CELF2: variants seen among roughly 807,000 people sequenced by gnomAD.
CELF2 encodes the protein CUGBP Elav-like family member 2.
CELF2 carries 8 observed loss-of-function variants against 62.6 expected under a neutral mutation model. The observed-to-expected ratio is 0.13, with a 90% CI of 0.07 to 0.23. CELF2 has a LOEUF of 0.23. CELF2 is among the 10% of genes least tolerant of loss of function. The pLI, the probability that CELF2 is intolerant of heterozygous loss-of-function variation, is 1.00. For synonymous variants in CELF2, 258 were observed against 250.0 expected, an observed-to-expected ratio of 1.03 and a Z score of -0.30; for missense variants, 333 against 671.0, an observed-to-expected ratio of 0.50 and a Z score of 5.56.
At chr10:11,174,246 C>T (rs1028640950) in intron 2 of CELF2, among the ~76,000 whole-genome samples, 1 of 152,078 alleles carries the variant, frequency 6.6e-6, no homozygotes, top group Non-Finnish European at 1.5e-5. Flanking sequence ...AAGCCTGAAT[C>T]ACATAGACAA....
At chr10:10,584,560 A>G in the CELF2 span, among the ~76,000 whole-genome samples, 1 of 152,216 alleles carries the variant, frequency 6.6e-6, no homozygotes, top group African/African-American at 2.4e-5. Context: ...ACTCAAATAT[A>G]GAAGTACCGA....
chr10:11,101,050 G>C (rs961311186), intron 1 of CELF2, among the ~76,000 whole-genome samples: 10 of 152,296 alleles, frequency 6.6e-5, no homozygotes, highest in African/African-American at 2.2e-4. Flanking sequence ...TCTTTTATGG[G>C]TGTTTGAGAG....
At chr10:10,479,858 C>T in the CELF2 span, among the ~76,000 whole-genome samples, 11 of 152,312 alleles carry the variant, frequency 7.2e-5, no homozygotes, top group East Asian at 9.6e-4. Flanking sequence ...ATTACTATTA[C>T]GATTAGTCAC....
At chr10:11,293,643 C>A (rs2092802630) in intron 9 of CELF2, among the ~76,000 whole-genome samples, 1 of 152,232 alleles carries the variant, frequency 6.6e-6, no homozygotes, top group South Asian at 2.1e-4. Context: ...CTAACACTGA[C>A]CCTGTTGTCT....
At chr10:10,562,396 A>T in the CELF2 span, among the ~76,000 whole-genome samples, 1 of 152,210 alleles carries the variant, frequency 6.6e-6, no homozygotes, top group Non-Finnish European at 1.5e-5. Context: ...ATTTACTATG[A>T]TGTCTAAGAA....
At chr10:11,068,943 G>A (rs1316927634) in intron 1 of CELF2, among the ~76,000 whole-genome samples, 1 of 152,132 alleles carries the variant, frequency 6.6e-6, no homozygotes, top group Non-Finnish European at 1.5e-5. Flanking sequence ...GTACACCTAA[G>A]ACACGTTGTG....
At chr10:11,284,128 T>G (rs868402869) in intron 8 of CELF2, among the ~76,000 whole-genome samples, 14 of 75,392 alleles carry the variant, frequency 1.9e-4, no homozygotes, top group South Asian at 4.7e-4. Context: ...AGGTGGATGA[T>G]GGATGAGTGT....
At chr10:10,930,200 T>C (rs765583605) in intron 2 of CELF2, among the ~76,000 whole-genome samples, 1 of 152,224 alleles carries the variant, frequency 6.6e-6, no homozygotes, top group Non-Finnish European at 1.5e-5. Flanking sequence ...GTGTGACCTA[T>C]TTAGACTTCT....
intron 1 of CELF2, among the ~76,000 whole-genome samples, chr10:10,853,044 T>G (rs2059483606): frequency 6.6e-6 from 1 of 152,218 alleles, no homozygotes; most frequent in East Asian, 1.9e-4. Flanking sequence ...AGTGGTGCAG[T>G]CTTGGCTCAC....
At chr10:11,298,135 G>A (rs11812406) in intron 9 of CELF2, among the ~76,000 whole-genome samples, 13 of 152,118 alleles carry the variant, frequency 8.5e-5, no homozygotes, top group African/African-American at 3.1e-4. Context: ...GCCAATGAGA[G>A]CTGAAAGCTG....
At chr10:11,139,410 C>T (rs1040191599) in intron 1 of CELF2, among the ~76,000 whole-genome samples, 6 of 152,144 alleles carry the variant, frequency 3.9e-5, no homozygotes, top group African/African-American at 9.6e-5. Flanking sequence ...TGTTAAAATT[C>T]AGGATTATTT....
chr10:10,970,059 G>GTATT (rs762933697), intron 2 of CELF2, among the ~76,000 whole-genome samples: 38 of 152,108 alleles, frequency 2.5e-4, no homozygotes, highest in South Asian at 6.2e-4. Flanking sequence ...TTTGTGTGAT[G>GTATT]TATTTATTTA....
the CELF2 span, among the ~76,000 whole-genome samples, chr10:10,497,622 G>A: frequency 2.0e-5 from 3 of 152,136 alleles, no homozygotes; most frequent in African/African-American, 7.2e-5. Flanking sequence ...AGGGGAGGAG[G>A]AGCCGGCCAC....
Position 11,068,297 on chromosome 10 carries a change from A to G in CELF2, c.74+50134A>G, listed in dbSNP as rs546690314. Among the ~76,000 whole-genome samples, 119 of 152,362 alleles carry G rather than the reference A, an allele frequency of 7.8e-4. 2 individuals carry two copies. The highest frequency in any genetic ancestry group is 1.5e-3 in the Non-Finnish European group (101 of 68,038). ...GTGCTATGAGAGAGAAGAAAATGAT[A>G]TTACAAAACAGCATAATAGACAAGT... On this transcript the variant is annotated intron_variant, in intron 1 of 12. Coordinates refer to ENST00000633077, the MANE Select transcript of CELF2 (RefSeq NM_001326342.2).
At position 11,302,094 on chromosome 10, in the gene CELF2, G is replaced by A. The variant is rs1276150037; in HGVS notation, c.977-12045G>A. 1.3e-5 allele frequency among the ~76,000 whole-genome samples: 2 copies of A among 152,186 alleles called. No homozygotes were observed. Among genetic ancestry groups the A allele is most frequent in the African/African-American group, 4.8e-5 (2 of 41,432 alleles). ...CTCTTCAACCGGCTGTCTTCTGGTG[G>A]GGTTTCTTTTCCTCTGGAAGAACAG... is the stretch of plus-strand genomic sequence containing the variant. On this transcript the variant is annotated intron_variant, in intron 9 of 12. Transcript: ENST00000633077. This position sits in a 1 kb window ranked among gnomAD's most constrained non-coding sequence, Gnocchi z 5.0.
At chr10:11,084,203 A>T (rs939051996) in intron 1 of CELF2, among the ~76,000 whole-genome samples, 1 of 152,220 alleles carries the variant, frequency 6.6e-6, no homozygotes, top group African/African-American at 2.4e-5. Flanking sequence ...GCTTAGGTGG[A>T]GTAATAGCTT....
the CELF2 span, among the ~76,000 whole-genome samples, chr10:10,779,558 T>G: frequency 2.0e-5 from 3 of 152,152 alleles, no homozygotes; most frequent in African/African-American, 7.2e-5. Context: ...TGTGGAAAAC[T>G]TTCTAGCTAT....
chr10:10,635,265 A>C, the CELF2 span, among the ~76,000 whole-genome samples: 2 of 152,194 alleles, frequency 1.3e-5, no homozygotes. Flanking sequence ...TAAATTTTTA[A>C]CAACTTACAT....
chr10:10,745,764 C>T, the CELF2 span, among the ~76,000 whole-genome samples: 1 of 152,226 alleles, frequency 6.6e-6, no homozygotes, highest in Non-Finnish European at 1.5e-5. Context: ...AGCCTCCCTA[C>T]CTTTAAACTT....
Sources: gnomAD v4.1 joint callset for allele counts (sites outside exome capture counted in the v4.1 genomes callset) on GRCh38, gnomAD v4.1.1 for gene constraint, Gnocchi (gnomAD v3.1) non-coding constraint, MANE v1.5 for transcripts, NCBI Gene and HGNC (gene_info 2026-07-23, HGNC 2026-07-21) for gene names.